The following STMN2 variants were observed in gnomAD, a reference collection of about 807,000 sequenced individuals.
The protein encoded by STMN2 is stathmin 2.
Under a neutral mutation model 24.1 loss-of-function variants are expected in STMN2, and 2 were observed. That is an observed-to-expected ratio of 0.08 (90% CI 0.03 to 0.26). The LOEUF is 0.26. STMN2 is among the 10% of genes least tolerant of loss of function. The pLI is 1.00. For missense variants in STMN2, 114 were observed against 213.6 expected (o/e 0.53, Z 2.91); for synonymous variants, 83 against 77.5 (o/e 1.07, Z -0.37).
intron 4 of STMN2, among the ~76,000 whole-genome samples, chr8:79,663,098 T>C (rs1806533983): frequency 6.6e-6 from 1 of 152,118 alleles, no homozygotes; most frequent in Admixed American, 6.5e-5. Context: ...AATAAAATTG[T>C]TTTTAATCTC....
chr8:79,622,638 C>T (rs1354069702), intron 1 of STMN2, among the ~76,000 whole-genome samples: 1 of 152,174 alleles, frequency 6.6e-6, no homozygotes, highest in African/African-American at 2.4e-5. Flanking sequence ...ATTTCTCTTG[C>T]ATATATTTCT....
intron 3 of STMN2, among the ~76,000 whole-genome samples, chr8:79,643,002 ATGGTAAC>A (rs1585898099): frequency 1.3e-5 from 2 of 148,278 alleles, no homozygotes; most frequent in South Asian, 2.1e-4. Context: ...AAATATAACA[ATGGTAAC>A]TGGTGTATAT....
intron 3 of STMN2, among the ~76,000 whole-genome samples, chr8:79,654,348 G>T (rs749706013): frequency 1.3e-5 from 2 of 151,824 alleles, no homozygotes; most frequent in Non-Finnish European, 2.9e-5. Context: ...GGTGTATGGG[G>T]GATAGGGAGG....
At chr8:79,627,148 T>C (rs1809677169) in intron 1 of STMN2, among the ~76,000 whole-genome samples, 1 of 152,198 alleles carries the variant, frequency 6.6e-6, no homozygotes, top group South Asian at 2.1e-4. Flanking sequence ...TTTAAAACCA[T>C]GAATCCCCCT....
Position 79,646,478 on chromosome 8 carries a change from C to A in STMN2, c.288+4928C>A, listed in dbSNP as rs1332019836. On this transcript the variant is annotated intron_variant, in intron 3 of 4. Coordinates refer to ENST00000220876, the MANE Select transcript of STMN2 (RefSeq NM_007029.4). The stretch of plus-strand genomic sequence containing the variant: ...TCAAAAAAAAACCTCTTGAATAAGA[C>A]ATTTGAAAAGAAGCACAAAGGTAGC... 2.0e-5 allele frequency among the ~76,000 whole-genome samples: 3 copies of A among 151,672 alleles called. 1 individual carries two copies. The highest frequency in any genetic ancestry group is 4.4e-5 in the Non-Finnish European group (3 of 67,952).
At chr8:79,643,936 T>C (rs1254068938) in intron 3 of STMN2, among the ~76,000 whole-genome samples, 1 of 151,742 alleles carries the variant, frequency 6.6e-6, no homozygotes, top group Non-Finnish European at 1.5e-5. Flanking sequence ...TATGCCCTAG[T>C]GGTCGGGTTT....
intron 1 of STMN2, among the ~76,000 whole-genome samples, chr8:79,623,349 T>C (rs1802311438): frequency 6.6e-6 from 1 of 152,192 alleles, no homozygotes; most frequent in African/African-American, 2.4e-5. Flanking sequence ...AACAAAGATA[T>C]CTTGTGAAAT....
intron 3 of STMN2, among the ~76,000 whole-genome samples, chr8:79,648,006 C>G (rs554275906): frequency 2.0e-5 from 3 of 152,330 alleles, no homozygotes; most frequent in African/African-American, 7.2e-5. Flanking sequence ...TGTTTTGATA[C>G]CATTATTAAT....
intron 4 of STMN2, chr8:79,663,523 C>T: frequency 2.6e-6 from 3 of 1,171,398 alleles, no homozygotes; most frequent in Non-Finnish European, 2.4e-6. Context: ...ATAAAGAACC[C>T]TATAAGTGTA....
At chr8:79,641,291 A>G (rs1810089825) in intron 2 of STMN2, 87 bp from the exon 3 acceptor site, 4 of 1,409,324 alleles carry the variant, frequency 2.8e-6, no homozygotes, top group Non-Finnish European at 3.8e-6. Context: ...TAACAACGCT[A>G]CTTCCAATTG....
At chr8:79,624,591 G>T (rs1809608715) in intron 1 of STMN2, among the ~76,000 whole-genome samples, 1 of 151,282 alleles carries the variant, frequency 6.6e-6, no homozygotes, top group African/African-American at 2.4e-5. Context: ...GCAAAAAGAA[G>T]ATGTCACTCC....
At chr8:79,611,263 C>T (rs1391929629) in intron 1 of STMN2, 49 bp downstream of exon 1, 2 of 1,609,646 alleles carry the variant, frequency 1.2e-6, no homozygotes, top group Non-Finnish European at 1.7e-6. Context: ...GAGCCCACCT[C>T]TCACCTCCTC....
chr8:79,614,500 G>T (rs1257281163), intron 1 of STMN2, among the ~76,000 whole-genome samples: 1 of 152,208 alleles, frequency 6.6e-6, no homozygotes, highest in Non-Finnish European at 1.5e-5. Flanking sequence ...TTTATACCAG[G>T]TGAGTAAGCT....
chr8:79,632,508 G>A lies in STMN2; in HGVS notation c.20-4294G>A, dbSNP rs183819235. 4.5e-3 allele frequency among the ~76,000 whole-genome samples: 692 copies of A among 152,270 alleles called. 3 individuals are homozygous for A. Among genetic ancestry groups the A allele is most frequent in the Middle Eastern group, 0.037 (11 of 294 alleles). ...AGTGTGCTAACAGATCCTGGGCCTC[G>A]TCAGCAGAGCCGTCCTGAGCACAAG... On this transcript the variant is annotated intron_variant, in intron 1 of 4. Coordinates refer to ENST00000220876, the MANE Select transcript of STMN2 (RefSeq NM_007029.4).
At chr8:79,624,471 AAAAAAAAGAAAGAAAG>A (rs1563435314) in intron 1 of STMN2, among the ~76,000 whole-genome samples, 1 of 149,756 alleles carries the variant, frequency 6.7e-6, no homozygotes. Flanking sequence ...AAAAAAAAAA[AAAAAAAAGAAAGAAAG>A]AAAGAAGGAA....
intron 1 of STMN2, among the ~76,000 whole-genome samples, chr8:79,628,722 A>C (rs2201527): frequency 5.3e-5 from 8 of 151,902 alleles, no homozygotes; most frequent in Non-Finnish European, 1.0e-4. Flanking sequence ...AACTGTGTAT[A>C]CAGGAGAAAA....
At chr8:79,628,981 G>A (rs1809732551) in intron 1 of STMN2, among the ~76,000 whole-genome samples, 1 of 152,178 alleles carries the variant, frequency 6.6e-6, no homozygotes. Context: ...TATGTCAGGA[G>A]ATGAGTCTAC....
Position 79,654,711 on chromosome 8 carries a change from A to G in STMN2, c.289-160A>G, listed in dbSNP as rs576670122. The stretch of plus-strand genomic sequence containing the variant: ...CATTTCCCAACTAGCCACATTCTAT[A>G]GAAAACTCTAAGCCATGCAGATGAG... On this transcript the variant is annotated intron_variant, in intron 3 of 4. Transcript: ENST00000220876. 2.6e-5 allele frequency among the ~76,000 whole-genome samples: 4 copies of G among 152,356 alleles called. No homozygotes were observed. In the South Asian group the frequency reaches 8.3e-4, roughly 32 times the overall value.
At chr8:79,622,968 C>A (rs1809553855) in intron 1 of STMN2, among the ~76,000 whole-genome samples, 1 of 152,126 alleles carries the variant, frequency 6.6e-6, no homozygotes, top group Non-Finnish European at 1.5e-5. Flanking sequence ...TCATTGCCAC[C>A]TCCCAGTCTT....
Sources: gnomAD v4.1 joint callset for allele counts (sites outside exome capture counted in the v4.1 genomes callset) on GRCh38, gnomAD v4.1.1 for gene constraint, MANE v1.5 for transcripts, NCBI Gene and HGNC (gene_info 2026-07-23, HGNC 2026-07-21) for gene names.